MYH11: variants seen among roughly 807,000 people sequenced by gnomAD.
MYH11 encodes myosin heavy chain 11.
MYH11 carries 80 observed loss-of-function variants against 246.6 expected under a neutral mutation model. The observed-to-expected ratio is 0.32, with a 90% confidence interval of 0.27 to 0.39. MYH11 has a LOEUF of 0.39. Among genes scored for constraint, MYH11 ranks in the 10% least tolerant of loss-of-function variants. The pLI, the probability that MYH11 is intolerant of heterozygous loss-of-function variation, is 1.00. For missense variants in MYH11, 2,158 were observed against 2,546.8 expected (o/e 0.85, Z 3.29); for synonymous variants, 1,071 against 1,015.5 (o/e 1.05, Z -1.04).
intron 3 of MYH11, among the ~76,000 whole-genome samples, chr16:15,820,348 C>T (rs1227776292): frequency 6.6e-6 from 1 of 151,956 alleles, no homozygotes; most frequent in Non-Finnish European, 1.5e-5. Flanking sequence ...GTGGCACATG[C>T]CTATAATCCC....
chr16:15,731,720 T>A (rs543423015), intron 27 of MYH11, among the ~76,000 whole-genome samples: 1 of 152,152 alleles, frequency 6.6e-6, no homozygotes, highest in South Asian at 2.1e-4. Flanking sequence ...CTCGAACTCC[T>A]GAGCTCAAGT....
chr16:15,840,755 A>C (rs1394356611), intron 1 of MYH11, among the ~76,000 whole-genome samples: 2 of 152,102 alleles, frequency 1.3e-5, no homozygotes, highest in South Asian at 4.1e-4. Flanking sequence ...CAAACAACTA[A>C]AAAAATCATT....
chr16:15,788,928 T>C (rs1286243560), intron 4 of MYH11, among the ~76,000 whole-genome samples: 5 of 151,774 alleles, frequency 3.3e-5, no homozygotes, highest in Non-Finnish European at 7.4e-5. Flanking sequence ...GAGGATGCCT[T>C]GAGGCCAGGA....
At chr16:15,736,809 C>A (rs910672202) in intron 25 of MYH11, among the ~76,000 whole-genome samples, 3 of 152,162 alleles carry the variant, frequency 2.0e-5, no homozygotes, top group Non-Finnish European at 4.4e-5. Context: ...GTACACCTGG[C>A]CAGGTGTCTG....
chr16:15,820,121 T>G (rs535425094), intron 3 of MYH11, among the ~76,000 whole-genome samples: 1 of 152,188 alleles, frequency 6.6e-6, no homozygotes, highest in African/African-American at 2.4e-5. Flanking sequence ...GGTGGGAGGA[T>G]CACCTGAGGC....
chr16:15,718,856 G>A (rs368555958), intron 36 of MYH11: 40 of 405,432 alleles, frequency 9.9e-5, no homozygotes, highest in Middle Eastern at 7.9e-4. Context: ...GGCCAGGCAC[G>A]GTGGCTCACA....
chr16:15,740,955 C>G (rs1040955731), intron 22 of MYH11, among the ~76,000 whole-genome samples: 6 of 152,136 alleles, frequency 3.9e-5, no homozygotes, highest in Admixed American at 3.9e-4. Context: ...AGGGGAGAGG[C>G]CTTCATGATA....
chr16:15,769,775 A>G (rs2042058491), intron 9 of MYH11, among the ~76,000 whole-genome samples: 1 of 152,210 alleles, frequency 6.6e-6, no homozygotes, highest in African/African-American at 2.4e-5. Context: ...ACAGACAATG[A>G]TTTAATAAAC....
At chr16:15,765,236 ATGAT>A (rs1375225850) in intron 9 of MYH11, among the ~76,000 whole-genome samples, 1 of 150,708 alleles carries the variant, frequency 6.6e-6, no homozygotes, top group Non-Finnish European at 1.5e-5. Context: ...GAATGGGTGA[ATGAT>A]GGACGGATGA....
intron 27 of MYH11, among the ~76,000 whole-genome samples, chr16:15,731,375 T>C (rs969565639): frequency 6.6e-6 from 1 of 152,216 alleles, no homozygotes; most frequent in Non-Finnish European, 1.5e-5. Context: ...TCTTCACCTC[T>C]AGGCACCTAG....
chr16:15,715,102 G>T, intron 39 of MYH11, 21 bp from the exon 40 acceptor site: 1 of 1,612,542 alleles, frequency 6.2e-7, no homozygotes, highest in Non-Finnish European at 8.5e-7. Flanking sequence ...GAGTTGGAGG[G>T]GTGGTTAGGG....
intron 3 of MYH11, among the ~76,000 whole-genome samples, chr16:15,820,955 C>A (rs1005187617): frequency 6.6e-6 from 1 of 152,208 alleles, no homozygotes; most frequent in Non-Finnish European, 1.5e-5. Context: ...TCACTGCAAC[C>A]TCCACTTCCT....
At chr16:15,715,527 G>A (rs778017548) in intron 38 of MYH11, among the ~76,000 whole-genome samples, 5 of 152,204 alleles carry the variant, frequency 3.3e-5, no homozygotes, top group Non-Finnish European at 5.9e-5. Flanking sequence ...GTGTGATTCC[G>A]TTGATATCAA....
rs1181732289 is a variant in MYH11, at chr16:15,823,384, C to A, written c.373G>T (p.Val125Phe). 1 of 1,614,028 alleles carries A rather than the reference C, an allele frequency of 6.2e-7. No homozygotes were observed. Among genetic ancestry groups the A allele is most frequent in the African/African-American group, 1.3e-5 (1 of 74,906 alleles). The change falls in exon 3 of 41, where the codon GTC (valine) becomes TTC (phenylalanine). Residue 125 changes from valine (V) to phenylalanine (F), a missense_variant. By Grantham distance (50) the Val-to-Phe change is conservative. Coordinates refer to ENST00000300036, the MANE Select transcript of MYH11 (RefSeq NM_002474.3). ...YTYSGLFCVV[V>F]NPYKHLPIYS... The stretch of plus-strand genomic sequence containing the variant: ...ATGGGCAGGTGTTTATAGGGGTTGA[C>A]CACCACGCAGAAGAGGCCAGAGTAC...
chr16:15,732,308 C>T (rs1269989979), intron 27 of MYH11, among the ~76,000 whole-genome samples: 4 of 152,160 alleles, frequency 2.6e-5, no homozygotes, highest in Non-Finnish European at 5.9e-5. Flanking sequence ...CTATGTTGCC[C>T]AGGCTGGTCT....
At chr16:15,847,755 G>C (rs2044233832) in intron 1 of MYH11, among the ~76,000 whole-genome samples, 1 of 152,200 alleles carries the variant, frequency 6.6e-6, no homozygotes, top group Non-Finnish European at 1.5e-5. Context: ...GAGCAGGCTG[G>C]ATTCCCTCTG....
chr16:15,715,562 G>C lies in MYH11; in HGVS notation c.5505-290C>G, dbSNP rs186230432. 3.3e-5 allele frequency among the ~76,000 whole-genome samples: 5 copies of C among 152,330 alleles called. No individual in the cohort carries two copies. In the East Asian group the frequency reaches 9.7e-4, roughly 29 times the overall value. On this transcript the variant is annotated intron_variant, in intron 38 of 40. Transcript: ENST00000300036. ...AGTGTCCAGAATAGATAAATTCATA[G>C]AGACAGAAAGTAGATTATGGTTGCC...
chr16:15,786,629 C>T lies in MYH11; in HGVS notation c.633+1G>A. On this transcript the variant is annotated splice_donor_variant, in intron 5 of 40. Transcript: ENST00000300036. LOFTEE classifies it high-confidence loss of function. ...GCCTCTGATTGGGAACTGCCACTCA[C>T]CGTGATACTTGTGTCTTTCTTGCCC... 2 of 1,613,940 alleles carry T rather than the reference C, an allele frequency of 1.2e-6. No individual in the cohort carries two copies. Among genetic ancestry groups the T allele is most frequent in the Non-Finnish European group, 1.7e-6 (2 of 1,179,842 alleles).
chr16:15,833,385 G>GAGGAAGGAAGGA (rs1234885453), intron 2 of MYH11, among the ~76,000 whole-genome samples: 2 of 110,508 alleles, frequency 1.8e-5, no homozygotes, highest in Admixed American at 1.0e-4. Flanking sequence ...GGGAGGGAGG[G>GAGGAAGGAAGGA]AGGAAGGAAG....
Sources: allele counts gnomAD v4.1 joint callset (sites outside exome capture counted in the v4.1 genomes callset), GRCh38; gene constraint gnomAD v4.1.1; transcripts MANE v1.5; gene names NCBI Gene and HGNC (gene_info 2026-07-23, HGNC 2026-07-21).